PPP2R2C: variants seen among roughly 807,000 people sequenced by gnomAD.
The protein encoded by PPP2R2C is protein phosphatase 2, regulatory subunit B, gamma.
A neutral mutation model predicts 45.3 loss-of-function variants in PPP2R2C; 10 were observed. The ratio of observed to expected loss-of-function variants is 0.22; its 90% CI spans 0.14 to 0.37. PPP2R2C has a LOEUF of 0.37. Among genes scored for constraint, PPP2R2C ranks in the 10% least tolerant of loss-of-function variants. The probability of loss-of-function intolerance (pLI) is 1.00; values close to 1 mark genes in which losing one functional copy is unlikely to be tolerated. For synonymous variants in PPP2R2C, 257 were observed against 245.4 expected (o/e 1.05, Z -0.44); for missense variants, 308 against 619.7 (o/e 0.50, Z 5.34).
intron 1 of PPP2R2C, among the ~76,000 whole-genome samples, chr4:6,407,653 G>A (rs1717890240): frequency 1.3e-5 from 2 of 152,094 alleles, no homozygotes; most frequent in South Asian, 2.1e-4. Flanking sequence ...CGCATACCTC[G>A]GCCTCCCAAA....
intron 5 of PPP2R2C, chr4:6,350,935 G>A (rs914380726): frequency 3.0e-6 from 3 of 985,224 alleles, no homozygotes; most frequent in African/African-American, 1.7e-5. Flanking sequence ...ACTGCAAAAC[G>A]TGAGCCCCCT....
intron 2 of PPP2R2C, among the ~76,000 whole-genome samples, chr4:6,508,462 G>T (rs1011623036): frequency 6.6e-6 from 1 of 151,890 alleles, no homozygotes; most frequent in Non-Finnish European, 1.5e-5. Context: ...AGTGGCGGGT[G>T]CCTGTAATCC....
chr4:6,474,723 C>T (rs1722076480), upstream of PPP2R2C, among the ~76,000 whole-genome samples: 1 of 151,422 alleles, frequency 6.6e-6, no homozygotes, highest in South Asian at 2.1e-4. Context: ...CACCCCTCAC[C>T]ACCCCATCCT....
intron 6 of PPP2R2C, among the ~76,000 whole-genome samples, chr4:6,342,933 G>A (rs926244366): frequency 3.9e-5 from 6 of 152,194 alleles, no homozygotes; most frequent in Admixed American, 1.3e-4. Flanking sequence ...CATCCAGGAC[G>A]CTCTTCATTC....
At chr4:6,482,458 C>T (rs1722387087) in intron 2 of PPP2R2C, among the ~76,000 whole-genome samples, 2 of 152,184 alleles carry the variant, frequency 1.3e-5, no homozygotes, top group Admixed American at 1.3e-4. Context: ...AGGGCTGGTA[C>T]ATCTTTTGTT....
chr4:6,385,456 G>C (rs1326879617), intron 1 of PPP2R2C, among the ~76,000 whole-genome samples: 2 of 152,086 alleles, frequency 1.3e-5, no homozygotes, highest in Non-Finnish European at 2.9e-5. Context: ...TTCTCATCTT[G>C]GATTATCTGA....
At chr4:6,327,605 C>A (rs1732051579) in intron 8 of PPP2R2C, among the ~76,000 whole-genome samples, 1 of 152,220 alleles carries the variant, frequency 6.6e-6, no homozygotes, top group Non-Finnish European at 1.5e-5. Flanking sequence ...ACCCACTGCA[C>A]CAGGGAACCC....
chr4:6,332,904 C>G lies in PPP2R2C; in HGVS notation c.960+658G>C, dbSNP rs1732527280. Reference sequence around the variant, plus strand: ...AATGCCACCTCCTCCAAGAAGCCTCCCTGATCTCCCCACCTAACTGGAACC... The same window carrying G: ...AATGCCACCTCCTCCAAGAAGCCTCGCTGATCTCCCCACCTAACTGGAACC... On this transcript the variant is annotated intron_variant, in intron 7 of 8. Transcript: ENST00000382599. This position sits in a 1 kb window ranked among gnomAD's most constrained non-coding sequence, Gnocchi z 4.9. 1.3e-5 allele frequency among the ~76,000 whole-genome samples: 2 copies of G among 152,200 alleles called. No individual in the cohort carries two copies. The highest frequency in any genetic ancestry group is 4.8e-5 in the African/African-American group (2 of 41,452).
intron 5 of PPP2R2C, among the ~76,000 whole-genome samples, chr4:6,353,093 G>T (rs563233262): frequency 2.6e-5 from 4 of 152,094 alleles, no homozygotes; most frequent in Non-Finnish European, 5.9e-5. Context: ...CACCTGGATT[G>T]AGAACTTGTG....
chr4:6,333,773 C>T (rs377381565), intron 6 of PPP2R2C, 42 bp from the exon 7 acceptor site: 61 of 1,609,862 alleles, frequency 3.8e-5, no homozygotes, highest in Non-Finnish European at 5.0e-5. Context: ...GCGCTGCTCC[C>T]GCCCATGGGG....
In PPP2R2C at chr4:6,508,570, C is replaced by T. The variant is rs191921236; in HGVS notation, c.49+26701G>A. The stretch of plus-strand genomic sequence containing the variant: ...TGCCACTGCACTCCAGCCCTGGCGA[C>T]GGAGTGAGACTCCATCTCAAAAAAA... On this transcript the variant is annotated intron_variant, in intron 2 of 9. Coordinates refer to the PPP2R2C transcript ENST00000506140. Among the ~76,000 whole-genome samples the T allele has an allele frequency of 2.6e-3, 394 of 151,734 alleles. 2 individuals carry two copies. The highest frequency in any genetic ancestry group is 9.3e-3 in the African/African-American group (385 of 41,418).
chr4:6,381,810 G>A (rs752574301), intron 1 of PPP2R2C: 8 of 1,613,816 alleles, frequency 5.0e-6, no homozygotes. Context: ...TGGCCTTCCT[G>A]GATGGGCAAG....
chr4:6,350,500 G>T (rs1346513587), intron 5 of PPP2R2C: 1 of 985,340 alleles, frequency 1.0e-6, no homozygotes, highest in Non-Finnish European at 1.2e-6. Context: ...CAACAGAAGC[G>T]CCCAGGAACG....
intron 2 of PPP2R2C, among the ~76,000 whole-genome samples, chr4:6,489,805 A>G (rs1317296100): frequency 1.3e-5 from 2 of 152,194 alleles, no homozygotes; most frequent in African/African-American, 4.8e-5. Context: ...TTGCCATACC[A>G]GGTAGGACAG....
intron 2 of PPP2R2C, among the ~76,000 whole-genome samples, chr4:6,534,708 G>A (rs146432360): frequency 2.1e-4 from 32 of 151,930 alleles, no homozygotes; most frequent in African/African-American, 7.0e-4. Context: ...ACACTCCCTC[G>A]GGCGCCTTCC....
At chr4:6,431,603 G>A (rs896400490) in intron 1 of PPP2R2C, among the ~76,000 whole-genome samples, 1 of 152,152 alleles carries the variant, frequency 6.6e-6, no homozygotes, top group Non-Finnish European at 1.5e-5. Flanking sequence ...CCCTTCCCTG[G>A]CTCCTCTGTG....
At chr4:6,401,778 G>A (rs952099986) in intron 1 of PPP2R2C, among the ~76,000 whole-genome samples, 3 of 152,170 alleles carry the variant, frequency 2.0e-5, no homozygotes, top group Non-Finnish European at 2.9e-5. Context: ...AAGTGACACT[G>A]GAGAACAGCG....
At chr4:6,532,383 C>A (rs900913592) in intron 2 of PPP2R2C, among the ~76,000 whole-genome samples, 2 of 152,198 alleles carry the variant, frequency 1.3e-5, no homozygotes, top group African/African-American at 4.8e-5. Context: ...GCAGCCTTGA[C>A]CTTGCTGGGA....
chr4:6,442,807 C>T (rs949340898), intron 1 of PPP2R2C, among the ~76,000 whole-genome samples: 1 of 152,184 alleles, frequency 6.6e-6, no homozygotes, highest in Non-Finnish European at 1.5e-5. Flanking sequence ...GCTTTGAAGG[C>T]AGGAATTCTG....
Sources: gnomAD v4.1 joint callset for allele counts (sites outside exome capture counted in the v4.1 genomes callset) on GRCh38, gnomAD v4.1.1 for gene constraint, Gnocchi (gnomAD v3.1) non-coding constraint, MANE v1.5 for transcripts, NCBI Gene and HGNC (gene_info 2026-07-23, HGNC 2026-07-21) for gene names.